VAV3: variants seen among roughly 807,000 people sequenced by gnomAD.
The protein encoded by VAV3 is vav guanine nucleotide exchange factor 3, also known as guanine nucleotide exchange factor VAV3.
VAV3 carries 94 observed loss-of-function variants against 131.2 expected under a neutral mutation model. The ratio of observed to expected loss-of-function variants is 0.72; its 90% CI spans 0.61 to 0.85. The LOEUF (loss-of-function observed/expected upper bound fraction) is 0.85, where lower values mean the gene tolerates loss of function less well. Ranked by LOEUF, VAV3 falls within the 40% of genes least tolerant of loss-of-function variation. The probability of loss-of-function intolerance (pLI) is 0.00; values close to 1 mark genes in which losing one functional copy is unlikely to be tolerated. For synonymous variants in VAV3, 349 were observed against 342.0 expected (o/e 1.02, Z -0.22); for missense variants, 939 against 1,002.7 (o/e 0.94, Z 0.86).
At chr1:107,651,355 C>G (rs1656151350) in intron 19 of VAV3, among the ~76,000 whole-genome samples, 1 of 152,128 alleles carries the variant, frequency 6.6e-6, no homozygotes, top group Non-Finnish European at 1.5e-5. Flanking sequence ...CAGTACCACT[C>G]AATACACCAA....
intron 15 of VAV3, among the ~76,000 whole-genome samples, chr1:107,740,908 C>T (rs1264142756): frequency 6.6e-6 from 1 of 152,192 alleles, no homozygotes; most frequent in Non-Finnish European, 1.5e-5. Context: ...TACTCTCTGG[C>T]CCCCTACAAC....
At position 107,631,567 on chromosome 1, in the gene VAV3, G is replaced by A. The variant is rs187293709; in HGVS notation, c.1914+11052C>T. ...ATGTATACATGTGCCATGTTGGTGT[G>A]CTGCACCCATTAACTCGTCATTTAG... On this transcript the variant is annotated intron_variant, in intron 20 of 26. Transcript: ENST00000370056. Among the ~76,000 whole-genome samples, 185 of 151,038 alleles carry A rather than the reference G, an allele frequency of 1.2e-3. 6 individuals are homozygous for A. In the East Asian group the frequency reaches 0.035, roughly 29 times the overall value.
intron 2 of VAV3, among the ~76,000 whole-genome samples, chr1:107,786,973 A>T (rs1194134262): frequency 6.6e-6 from 1 of 150,936 alleles, no homozygotes; most frequent in African/African-American, 2.4e-5. Context: ...AATTAAACCC[A>T]CCTATCTACA....
At chr1:107,768,641 A>T in intron 6 of VAV3, 132 bp from the exon 7 acceptor site, 1 of 591,152 alleles carries the variant, frequency 1.7e-6, no homozygotes, top group South Asian at 3.0e-5. Flanking sequence ...CCAAAATTGT[A>T]GAAACTATTT....
chr1:107,842,740 T>C (rs553871437), intron 2 of VAV3, among the ~76,000 whole-genome samples: 33 of 152,134 alleles, frequency 2.2e-4, no homozygotes, highest in Non-Finnish European at 4.4e-4. Context: ...TTTTTCTTCT[T>C]GTTCTCTATC....
At position 107,941,197 on chromosome 1, in the gene VAV3, T is replaced by C. The variant is rs191762638; in HGVS notation, c.204+23469A>G. Among the ~76,000 whole-genome samples the C allele has an allele frequency of 5.3e-3, 801 of 152,298 alleles. 6 individuals carry two copies. The highest frequency in any genetic ancestry group is 5.0e-3 in the Non-Finnish European group (339 of 68,028). On this transcript the variant is annotated intron_variant, in intron 1 of 26. Coordinates refer to ENST00000370056, the MANE Select transcript of VAV3 (RefSeq NM_006113.5). ...CCCTCCAGGCCCTATTTGTAGAACC[T>C]TTCTTTCCCAGCCCGCACATTCTAA...
intron 1 of VAV3, among the ~76,000 whole-genome samples, chr1:107,893,935 T>C (rs345298): frequency 0.64 from 96,620 of 152,050 alleles, 32,249 homozygotes; most frequent in African/African-American, 0.84. Flanking sequence ...ATGTCAGGGC[T>C]ACCTCTGTGC....
chr1:107,758,932 T>C (rs1029460878), intron 10 of VAV3, among the ~76,000 whole-genome samples: 1 of 152,218 alleles, frequency 6.6e-6, no homozygotes, highest in Non-Finnish European at 1.5e-5. Flanking sequence ...TCCCCTCTGA[T>C]CTACTTATTG....
chr1:107,693,866 C>T (rs1184253575), intron 17 of VAV3, among the ~76,000 whole-genome samples: 3 of 152,114 alleles, frequency 2.0e-5, no homozygotes, highest in African/African-American at 7.2e-5. Context: ...CCCAGCTTCC[C>T]TTGCAGTTAG....
At chr1:107,958,496 A>G (rs1047915186) in intron 1 of VAV3, among the ~76,000 whole-genome samples, 8 of 152,238 alleles carry the variant, frequency 5.3e-5, no homozygotes, top group South Asian at 2.1e-4. Context: ...ATGCTGCATC[A>G]CCAACACTAG....
chr1:107,610,065 T>A, intron 21 of VAV3, 100 bp from the exon 22 acceptor site: 1 of 1,061,768 alleles, frequency 9.4e-7, no homozygotes, highest in Non-Finnish European at 1.5e-6. Context: ...TATAAAACCC[T>A]AAGTGGCACA....
chr1:107,903,643 C>T (rs1671972623), intron 1 of VAV3, among the ~76,000 whole-genome samples: 1 of 151,832 alleles, frequency 6.6e-6, no homozygotes, highest in Non-Finnish European at 1.5e-5. Context: ...CATCTTTATC[C>T]CCACTGCAGG....
At chr1:107,618,349 A>T (rs1036999008) in intron 20 of VAV3, among the ~76,000 whole-genome samples, 2 of 152,238 alleles carry the variant, frequency 1.3e-5, no homozygotes, top group African/African-American at 4.8e-5. Flanking sequence ...TACCGGTCTA[A>T]GAGAAGACAT....
intron 1 of VAV3, among the ~76,000 whole-genome samples, chr1:107,960,596 G>A (rs1017119204): frequency 3.1e-4 from 47 of 151,524 alleles, no homozygotes; most frequent in African/African-American, 1.1e-3. Context: ...CCTAAAAATC[G>A]AGCTTCCATT....
At chr1:107,738,707 T>C (rs1662830378) in intron 15 of VAV3, among the ~76,000 whole-genome samples, 1 of 152,232 alleles carries the variant, frequency 6.6e-6, no homozygotes, top group South Asian at 2.1e-4. Flanking sequence ...CTAAAAATAG[T>C]ACATGTCACA....
At chr1:107,881,538 G>T (rs1032429578) in intron 1 of VAV3, among the ~76,000 whole-genome samples, 13 of 152,164 alleles carry the variant, frequency 8.5e-5, no homozygotes, top group African/African-American at 3.1e-4. Flanking sequence ...GGTATATCCA[G>T]TGAAAAGTGA....
At chr1:107,600,278 C>G (rs1306401595) in intron 24 of VAV3, among the ~76,000 whole-genome samples, 1 of 152,158 alleles carries the variant, frequency 6.6e-6, no homozygotes, top group Non-Finnish European at 1.5e-5. Context: ...GCCTCTTCAG[C>G]AATTTTTATA....
chr1:107,575,865 G>A (rs1327334168), intron 25 of VAV3, among the ~76,000 whole-genome samples: 2 of 152,080 alleles, frequency 1.3e-5, no homozygotes, highest in African/African-American at 2.4e-5. Flanking sequence ...CATGTAAATA[G>A]CCATTAAACT....
At chr1:107,761,392 C>CAAA (rs35391183) in intron 9 of VAV3, among the ~76,000 whole-genome samples, 1 of 102,522 alleles carries the variant, frequency 9.8e-6, no homozygotes, top group African/African-American at 3.7e-5. Context: ...GACTCCGTCT[C>CAAA]AAAAAAAAAA....
Sources: gnomAD v4.1 joint callset for allele counts (sites outside exome capture counted in the v4.1 genomes callset) on GRCh38, gnomAD v4.1.1 for gene constraint, MANE v1.5 for transcripts, NCBI Gene and HGNC (gene_info 2026-07-23, HGNC 2026-07-21) for gene names.